Variants in COL13A1 observed in about 807,000 individuals in gnomAD.
The protein encoded by COL13A1 is collagen type XIII alpha 1 chain, also known as collagen alpha-1(XIII) chain.
A neutral mutation model predicts 130.9 loss-of-function variants in COL13A1; 89 were observed. The ratio of observed to expected loss-of-function variants is 0.68; its 90% CI spans 0.57 to 0.81. The LOEUF (loss-of-function observed/expected upper bound fraction) is 0.81. Among genes scored for constraint, COL13A1 ranks in the 30% least tolerant of loss-of-function variants. The pLI is 0.00. For missense variants in COL13A1, 879 were observed against 934.6 expected (o/e 0.94, Z 0.78); for synonymous variants, 402 against 341.6 (o/e 1.18, Z -1.95).
Position 69,802,117 on chromosome 10 carries a change from G to C in COL13A1, c.-307G>C, listed in dbSNP as rs1444667728. 3.0e-6 allele frequency: 1 copy of C among 330,796 alleles called. No homozygotes were observed. The highest frequency in any genetic ancestry group is 2.2e-5 in the African/African-American group (1 of 45,882). 20.5% of individuals were successfully genotyped at this position (330,796 alleles called of 1,614,324 possible). A position where few individuals can be genotyped will look rare whatever the true frequency, so the allele number is the denominator to read the frequency against. ...ACCAACTGCTCTGCAGACACTTGAA[G>C]GGAAAGACTGGGCGGAGAGAAGGAG... is the stretch of plus-strand genomic sequence containing the variant. On this transcript the variant is annotated 5_prime_UTR_variant, in exon 1 of 41. Transcript: ENST00000645393.
chr10:69,931,249 G>A lies in COL13A1; in HGVS notation c.1683+697G>A, dbSNP rs1016618571. The A allele has an allele frequency of 3.3e-5, 15 of 455,304 alleles. No homozygotes were observed. In the Admixed American group the frequency reaches 3.5e-4, roughly 11 times the overall value. 28.2% of individuals were successfully genotyped at this position (455,304 alleles called of 1,614,324 possible). ...TTGCCTAATCCAGCTGGGCTCCTGAGGTTTACAGTGAAGCCAGAGGGCTGG... is the reference window on the plus strand; with the variant it reads ...TTGCCTAATCCAGCTGGGCTCCTGAAGTTTACAGTGAAGCCAGAGGGCTGG... On this transcript the variant is annotated intron_variant, in intron 30 of 40. Transcript: ENST00000645393.
intron 27 of COL13A1, among the ~76,000 whole-genome samples, chr10:69,928,045 A>C (rs1279239254): frequency 6.6e-6 from 1 of 152,176 alleles, no homozygotes; most frequent in African/African-American, 2.4e-5. Flanking sequence ...CCAGCTACTC[A>C]GTAGGCTGAG....
chr10:69,947,328 G>C lies in COL13A1; in HGVS notation c.2044G>C (p.Asp682His), dbSNP rs2136214669. 6.2e-7 allele frequency: 1 copy of C among 1,613,026 alleles called. No individual in the cohort carries two copies. The highest frequency in any genetic ancestry group is 8.5e-7 in the Non-Finnish European group (1 of 1,179,430). The change falls in exon 38 of 41, where the codon GAC becomes CAC. Residue 682 changes from aspartate to histidine, a missense_variant. Transcript: ENST00000645393. The stretch of plus-strand genomic sequence containing the variant: ...GCAGGGTTTACATGGACCACCCGGG[G>C]ACAAGGGAAACCGGGTGAGTCTGAG... ...GLPGLHGPPGDKGNRGERGKK... is the reference protein window; with the variant it reads ...GLPGLHGPPGHKGNRGERGKK...
At chr10:69,852,554 G>A (rs1172226473) in intron 2 of COL13A1, among the ~76,000 whole-genome samples, 1 of 152,228 alleles carries the variant, frequency 6.6e-6, no homozygotes, top group African/African-American at 2.4e-5. Context: ...CAGATATATC[G>A]AGCAATGGCT....
chr10:69,869,922 T>C (rs947967989), intron 3 of COL13A1, among the ~76,000 whole-genome samples: 1 of 152,232 alleles, frequency 6.6e-6, no homozygotes, highest in Non-Finnish European at 1.5e-5. Flanking sequence ...CTTGCTGAAA[T>C]AGTAGCTAAC....
In COL13A1 at chr10:69,836,871, C is replaced by T. The variant is rs190372472; in HGVS notation, c.364+14433C>T. Among the ~76,000 whole-genome samples the T allele has an allele frequency of 1.3e-3, 204 of 152,230 alleles. 2 individuals are homozygous for T. The highest frequency in any genetic ancestry group is 2.1e-4 in the Non-Finnish European group (14 of 68,006). ...GGAAATGCCTGCCACAGAAAGATGC[C>T]CAGCAGGCGGTGGGGGTATAAGTGG... On this transcript the variant is annotated intron_variant, in intron 2 of 40. Transcript: ENST00000645393.
intron 2 of COL13A1, among the ~76,000 whole-genome samples, chr10:69,861,381 A>G (rs2133837461): frequency 6.6e-6 from 1 of 152,226 alleles, no homozygotes; most frequent in East Asian, 1.9e-4. Context: ...CAGGGCATGA[A>G]CTAAGCTGGA....
intron 39 of COL13A1, among the ~76,000 whole-genome samples, 192 bp downstream of exon 39, chr10:69,953,160 T>C (rs2069936967): frequency 6.6e-6 from 1 of 152,232 alleles, no homozygotes. Context: ...CTGCAAGTAA[T>C]TCTGGCTAAA....
chr10:69,859,366 A>G (rs544860016), intron 2 of COL13A1, among the ~76,000 whole-genome samples: 2 of 152,374 alleles, frequency 1.3e-5, no homozygotes, highest in East Asian at 1.9e-4. Flanking sequence ...AGCAAGACCT[A>G]TGAAGCCTGC....
Position 69,930,035 on chromosome 10 carries a change from G to A in COL13A1, c.1486-8G>A, listed in dbSNP as rs1487796419. 1.2e-5 allele frequency: 20 copies of A among 1,613,644 alleles called. No homozygotes were observed. Among genetic ancestry groups the A allele is most frequent in the Middle Eastern group, 1.6e-4 (1 of 6,084 alleles). ...CCTGAGAGTCACCTTTAGTTGTTCC[G>A]GTTACAGGGGGAGATTGGACTGCCA... On this transcript the variant is annotated splice_polypyrimidine_tract_variant and splice_region_variant and intron_variant, in intron 28 of 40. Coordinates refer to ENST00000645393, the MANE Select transcript of COL13A1 (RefSeq NM_001368882.1).
At chr10:69,937,523 G>C in intron 33 of COL13A1, 112 bp from the exon 34 acceptor site, 1 of 632,922 alleles carries the variant, frequency 1.6e-6, no homozygotes, top group South Asian at 1.9e-5. Flanking sequence ...CTGCCACCCT[G>C]ACCCCTCCTT....
intron 1 of COL13A1, among the ~76,000 whole-genome samples, chr10:69,803,608 A>G (rs1185886624): frequency 6.6e-6 from 1 of 152,090 alleles, no homozygotes; most frequent in Non-Finnish European, 1.5e-5. Flanking sequence ...CAGTCTGGGA[A>G]GAGGTCCTGG....
At chr10:69,830,888 T>G (rs1407889688) in intron 2 of COL13A1, among the ~76,000 whole-genome samples, 1 of 152,098 alleles carries the variant, frequency 6.6e-6, no homozygotes, top group Non-Finnish European at 1.5e-5. Flanking sequence ...TTGGCAGCCA[T>G]CCTCCATTTT....
At chr10:69,927,151 G>T (rs774154620) in intron 27 of COL13A1, 41 bp downstream of exon 27, 1 of 1,535,416 alleles carries the variant, frequency 6.5e-7, no homozygotes, top group African/African-American at 1.9e-5. Flanking sequence ...GCACTGGACG[G>T]GGGGGCTGGG....
rs1061966 is a variant in COL13A1 at position 69,958,968 on chromosome 10, C to G, written c.*267C>G. ...TGTGCACATTTATTAAGTATCGAAG[C>G]TTAATAAATTATTGTGTCCTGGTGC... On this transcript the variant is annotated 3_prime_UTR_variant, in exon 41 of 41. Transcript: ENST00000645393. 0.32 allele frequency: 152,258 copies of G among 472,404 alleles called. 26,027 individuals are homozygous for G. The highest frequency in any genetic ancestry group is 0.41 in the Middle Eastern group (715 of 1,764). The allele number at this position is 472,404 out of a possible 1,614,324, so 29.3% of individuals were successfully genotyped here.
At chr10:69,825,504 G>A (rs911273528) in intron 2 of COL13A1, among the ~76,000 whole-genome samples, 2 of 152,254 alleles carry the variant, frequency 1.3e-5, no homozygotes, top group African/African-American at 4.8e-5. Context: ...CTGCTTCCTC[G>A]TGTTCTCCCT....
chr10:69,872,051 T>C, intron 3 of COL13A1, 133 bp from the exon 4 acceptor site: 1 of 1,024,138 alleles, frequency 9.8e-7, no homozygotes, highest in Admixed American at 2.0e-5. Context: ...AGGCTCCCCC[T>C]TCGTTTTGTT....
At chr10:69,907,836 TC>T (rs2062941844) in intron 17 of COL13A1, among the ~76,000 whole-genome samples, 1 of 152,204 alleles carries the variant, frequency 6.6e-6, no homozygotes, top group Non-Finnish European at 1.5e-5. Context: ...GTGATAACTA[TC>T]CCACTCCCGC....
intron 6 of COL13A1, among the ~76,000 whole-genome samples, chr10:69,879,094 T>A (rs2059891427): frequency 6.6e-6 from 1 of 152,204 alleles, no homozygotes; most frequent in African/African-American, 2.4e-5. Context: ...CAGGGAAGCT[T>A]TAATATTCTC....
Sources: gnomAD v4.1 joint callset for allele counts (sites outside exome capture counted in the v4.1 genomes callset) on GRCh38, gnomAD v4.1.1 for gene constraint, MANE v1.5 for transcripts, NCBI Gene and HGNC (gene_info 2026-07-23, HGNC 2026-07-21) for gene names.